Variants in ATP11A observed in about 807,000 individuals in gnomAD.
ATP11A encodes ATPase phospholipid transporting 11A.
A neutral mutation model predicts 154.4 loss-of-function variants in ATP11A; 81 were observed. The ratio of observed to expected loss-of-function variants is 0.52; its 90% CI spans 0.44 to 0.63. The LOEUF is 0.63. ATP11A is among the 30% of genes least tolerant of loss of function. The pLI is 0.00. For synonymous variants in ATP11A, 623 were observed against 585.9 expected (o/e 1.06, Z -0.91); for missense variants, 1,316 against 1,474.3 (o/e 0.89, Z 1.76).
In ATP11A at chr13:112,875,906, C is replaced by A. The variant is rs765783405; in HGVS notation, c.3292C>A (p.Arg1098=). The change falls in exon 28 of 30, where the codon CGG becomes AGG. Residue 1098 remains arginine (R), a synonymous_variant. Transcript: ENST00000375645. This position sits in a 1 kb window ranked among gnomAD's most constrained non-coding sequence, Gnocchi z 4.1. ...LPDVLKKVLC[R]QLWPTATERV... ...CGACGTCCTCAAGAAAGTCCTGTGC[C>A]GGCAGCTGTGGCCAACAGCAACAGA... 7.4e-6 allele frequency: 12 copies of A among 1,612,962 alleles called. No individual in the cohort carries two copies. The East Asian group carries it at 2.5e-4, about 33-fold the overall frequency.
intron 1 of ATP11A, among the ~76,000 whole-genome samples, chr13:112,728,457 C>T (rs1890124374): frequency 3.3e-5 from 5 of 149,664 alleles, no homozygotes; most frequent in Admixed American, 6.6e-5. Flanking sequence ...GTGGAGGGGC[C>T]GTGAGACCGT....
chr13:112,850,626 T>C (rs2079737302), intron 17 of ATP11A, among the ~76,000 whole-genome samples: 1 of 152,030 alleles, frequency 6.6e-6, no homozygotes, highest in South Asian at 2.1e-4. Flanking sequence ...ACTTTAGAAA[T>C]ATCACTTGAT....
At chr13:112,805,884 A>G (rs901936138) in intron 3 of ATP11A, among the ~76,000 whole-genome samples, 1 of 152,100 alleles carries the variant, frequency 6.6e-6, no homozygotes, top group African/African-American at 2.4e-5. Context: ...AATTTTTCCA[A>G]CATTAAATTA....
At chr13:112,813,826 C>T (rs993991323) in intron 5 of ATP11A, among the ~76,000 whole-genome samples, 34 of 152,116 alleles carry the variant, frequency 2.2e-4, no homozygotes, top group African/African-American at 7.5e-4. Flanking sequence ...CATCTTTTCA[C>T]GCTCGTTTGA....
At chr13:112,796,549 T>C (rs2078003467) in intron 2 of ATP11A, among the ~76,000 whole-genome samples, 1 of 152,206 alleles carries the variant, frequency 6.6e-6, no homozygotes, top group Non-Finnish European at 1.5e-5. Flanking sequence ...AGTTTCTCCC[T>C]GGAGCCTCCA....
intron 1 of ATP11A, among the ~76,000 whole-genome samples, chr13:112,755,345 C>T (rs780863923): frequency 1.1e-4 from 16 of 152,108 alleles, no homozygotes; most frequent in Non-Finnish European, 2.4e-4. Context: ...TAGAACTCTG[C>T]CCAGCTTGGA....
intron 29 of ATP11A, 27 bp from the exon 30 acceptor site, chr13:112,881,847 CAG>C (rs780701736): frequency 1.5e-6 from 2 of 1,367,722 alleles, no homozygotes; most frequent in Admixed American, 3.8e-5. Flanking sequence ...GACCGCGACT[CAG>C]AATTCACCCC....
Position 112,875,859 on chromosome 13 carries a change from T to C in ATP11A, c.3245T>C (p.Leu1082Pro), listed in dbSNP as rs574700887. Residue 1082 changes from leucine (L) to proline (P), a missense_variant, in exon 28 of 30, where the codon CTG (leucine) becomes CCG (proline). By Grantham distance (98) the Leu-to-Pro change is moderately conservative. Transcript: ENST00000375645. The surrounding 1 kb of genome is among the most constrained non-coding windows in gnomAD (Gnocchi z 4.1). Reference protein sequence around the residue: ...SGPAWLAIVLLVTISLLPDVL... With the variant: ...SGPAWLAIVLPVTISLLPDVL... ...CCCGCCTGGCTGGCCATCGTGCTGC[T>C]GGTGACCATCAGCCTCCTTCCCGAC... is the stretch of plus-strand genomic sequence containing the variant. The C allele has an allele frequency of 6.2e-6, 10 of 1,614,028 alleles. No homozygotes were observed. The South Asian group carries it at 1.1e-4, about 18-fold the overall frequency.
Position 112,826,675 on chromosome 13 carries a change from G to T in ATP11A, c.1024-19G>T, listed in dbSNP as rs770930029. On this transcript the variant is annotated intron_variant, in intron 11 of 29. Coordinates refer to ENST00000375645, the MANE Select transcript of ATP11A (RefSeq NM_015205.3). ...TCCCTCCTGGTGGAGGTGCTGACCC[G>T]CACCTTCTGCTCTTGCAGTTCCTCA... 48 of 1,612,282 alleles carry T rather than the reference G, an allele frequency of 3.0e-5. No homozygotes were observed. The highest frequency in any genetic ancestry group is 3.5e-4 in the Middle Eastern group (2 of 5,688).
Position 112,872,565 on chromosome 13 carries a change from C to G in ATP11A, c.3057+765C>G, listed in dbSNP as rs1429053994. 2.0e-5 allele frequency among the ~76,000 whole-genome samples: 3 copies of G among 152,342 alleles called. No homozygotes were observed. The East Asian group carries it at 5.8e-4, about 29-fold the overall frequency. On this transcript the variant is annotated intron_variant, in intron 26 of 29. Transcript: ENST00000375645. ...GGTGGAGGTTGCAGTGAGCCAAGAT[C>G]GCACCACTGCACTCCAGCCTGGGCG...
At chr13:112,751,469 G>C (rs1227584965) in intron 1 of ATP11A, among the ~76,000 whole-genome samples, 1 of 152,070 alleles carries the variant, frequency 6.6e-6, no homozygotes, top group Non-Finnish European at 1.5e-5. Flanking sequence ...AGACCAGCCT[G>C]GCCAACATGG....
At chr13:112,779,213 TAGC>T (rs565325966) in intron 1 of ATP11A, among the ~76,000 whole-genome samples, 184 of 125,870 alleles carry the variant, frequency 1.5e-3, no homozygotes, top group African/African-American at 5.4e-3. Flanking sequence ...CTGGAGTGAG[TAGC>T]CGCTGGAGTG....
rs906580145 is a variant in ATP11A at position 112,880,486 on chromosome 13, C to T, written c.*10-1390C>T. Reference sequence around the variant, plus strand: ...CCCACGGATGGTGCAGGCAGAGGCCCGAGCACTCCTGGTGGCCCCGTGTGG... The same window carrying T: ...CCCACGGATGGTGCAGGCAGAGGCCTGAGCACTCCTGGTGGCCCCGTGTGG... On this transcript the variant is annotated intron_variant, in intron 29 of 29. Coordinates refer to ENST00000375645, the MANE Select transcript of ATP11A (RefSeq NM_015205.3). 17 of 1,249,758 alleles carry T rather than the reference C, an allele frequency of 1.4e-5. No individual in the cohort carries two copies. In the Middle Eastern group the frequency reaches 8.1e-4, roughly 60 times the overall value. 77.4% of individuals were successfully genotyped at this position (1,249,758 alleles called of 1,614,324 possible).
At chr13:112,711,119 G>C (rs981111602) in intron 1 of ATP11A, among the ~76,000 whole-genome samples, 5 of 152,320 alleles carry the variant, frequency 3.3e-5, no homozygotes, top group African/African-American at 9.6e-5. Flanking sequence ...CCCGTCCTGC[G>C]TGCTGACACT....
At chr13:112,768,877 G>A (rs369451875) in intron 1 of ATP11A, among the ~76,000 whole-genome samples, 6 of 152,310 alleles carry the variant, frequency 3.9e-5, no homozygotes, top group Admixed American at 1.3e-4. Flanking sequence ...TCCTCAGGGC[G>A]GAGTTGCTGC....
intron 2 of ATP11A, among the ~76,000 whole-genome samples, chr13:112,788,051 G>GAC (rs1212599412): frequency 2.0e-5 from 3 of 149,912 alleles, no homozygotes; most frequent in Non-Finnish European, 4.4e-5. Flanking sequence ...CTGATGTGTA[G>GAC]ACCCCTGTGG....
rs568034432 is a variant in ATP11A at position 112,796,832 on chromosome 13, T to C, written c.163-8125T>C. ...CTGCCCTAGCCACATCGGGGATTTG[T>C]AATACAGGCTGCTCAGAGACTGACG... On this transcript the variant is annotated intron_variant, in intron 2 of 29. Transcript: ENST00000375645. Among the ~76,000 whole-genome samples, 5 of 151,796 alleles carry C rather than the reference T, an allele frequency of 3.3e-5. No homozygotes were observed. In the South Asian group the frequency reaches 1.0e-3, roughly 32 times the overall value.
At chr13:112,743,675 T>G (rs1271732617) in intron 1 of ATP11A, among the ~76,000 whole-genome samples, 10 of 152,158 alleles carry the variant, frequency 6.6e-5, no homozygotes, top group Admixed American at 6.5e-4. Context: ...TAGGCAGGTG[T>G]TGTAGGTTCC....
At chr13:112,714,660 AG>A (rs1371661263) in intron 1 of ATP11A, among the ~76,000 whole-genome samples, 3 of 152,232 alleles carry the variant, frequency 2.0e-5, no homozygotes, top group Non-Finnish European at 2.9e-5. Flanking sequence ...GAGAATGTGA[AG>A]GTGAAGCTTC....
Sources: gnomAD v4.1 joint callset for allele counts (sites outside exome capture counted in the v4.1 genomes callset) on GRCh38, gnomAD v4.1.1 for gene constraint, Gnocchi (gnomAD v3.1) non-coding constraint, MANE v1.5 for transcripts, NCBI Gene and HGNC (gene_info 2026-07-23, HGNC 2026-07-21) for gene names.